Variants in OPCML observed in about 807,000 individuals in gnomAD.
The protein encoded by OPCML is opioid-binding protein/cell adhesion molecule.
Under a neutral mutation model 37.8 loss-of-function variants are expected in OPCML, and 13 were observed. The observed-to-expected ratio is 0.34, with a 90% CI of 0.22 to 0.55. The LOEUF (loss-of-function observed/expected upper bound fraction) is 0.55. Ranked by LOEUF, OPCML falls within the 20% of genes least tolerant of loss-of-function variation. OPCML has a pLI of 0.91. For synonymous variants in OPCML, 176 were observed against 168.8 expected (o/e 1.04, Z -0.33); for missense variants, 341 against 435.6 (o/e 0.78, Z 1.93).
chr11:132,495,658 G>A (rs1190773850), intron 4 of OPCML, among the ~76,000 whole-genome samples: 1 of 152,146 alleles, frequency 6.6e-6, no homozygotes. Flanking sequence ...TTGGGAAGCC[G>A]AGGCAGGCAG....
At chr11:132,736,688 A>G (rs1334310146) in intron 2 of OPCML, among the ~76,000 whole-genome samples, 4 of 152,178 alleles carry the variant, frequency 2.6e-5, no homozygotes, top group African/African-American at 7.2e-5. Context: ...AGAGGGACAC[A>G]TGATATGAAC....
At chr11:133,494,615 G>C (rs1591563596) in intron 1 of OPCML, among the ~76,000 whole-genome samples, 1 of 147,888 alleles carries the variant, frequency 6.8e-6, no homozygotes, top group East Asian at 2.0e-4. Context: ...GTAAACTATA[G>C]CAAGAACAAA....
chr11:133,278,044 C>T (rs1942041815), intron 1 of OPCML, among the ~76,000 whole-genome samples: 1 of 152,148 alleles, frequency 6.6e-6, no homozygotes, highest in Admixed American at 6.5e-5. Flanking sequence ...GAGATTCTAT[C>T]AGCACTGGAA....
chr11:133,211,551 G>A lies in OPCML; in HGVS notation c.62-268541C>T, dbSNP rs1442385524. On this transcript the variant is annotated intron_variant, in intron 1 of 7. Transcript: ENST00000524381. The surrounding 1 kb of genome is among the most constrained non-coding windows in gnomAD (Gnocchi z 4.1). Reference sequence around the variant, plus strand: ...GGGCTTTGAAAACTTGAACACTTCCGAAGGTTCTGTAACTATGCTTTGGCA... The same window carrying A: ...GGGCTTTGAAAACTTGAACACTTCCAAAGGTTCTGTAACTATGCTTTGGCA... Among the ~76,000 whole-genome samples the A allele has an allele frequency of 1.3e-5, 2 of 152,138 alleles. No homozygotes were observed. Among genetic ancestry groups the A allele is most frequent in the African/African-American group, 4.8e-5 (2 of 41,420 alleles).
intron 4 of OPCML, among the ~76,000 whole-genome samples, chr11:132,459,410 C>T (rs928418151): frequency 1.9e-4 from 27 of 144,380 alleles, no homozygotes; most frequent in African/African-American, 5.4e-4. Flanking sequence ...TCTCTCTTCA[C>T]ACATACATAC....
intron 3 of OPCML, among the ~76,000 whole-genome samples, chr11:132,571,864 C>T (rs2096439377): frequency 1.3e-5 from 2 of 152,104 alleles, no homozygotes; most frequent in African/African-American, 4.8e-5. Context: ...TTCATAGCAG[C>T]TGTACCATTT....
At chr11:132,446,216 T>C (rs2096054688) in intron 4 of OPCML, among the ~76,000 whole-genome samples, 2 of 150,110 alleles carry the variant, frequency 1.3e-5, no homozygotes, top group South Asian at 4.3e-4. Flanking sequence ...GGAGTGGTTC[T>C]GAGTGAGTGT....
chr11:133,488,978 G>A (rs200888673), intron 1 of OPCML, among the ~76,000 whole-genome samples: 1 of 138,792 alleles, frequency 7.2e-6, no homozygotes, highest in Non-Finnish European at 1.5e-5. Context: ...TGTGCACTGG[G>A]GAAAGGACAC....
intron 3 of OPCML, among the ~76,000 whole-genome samples, chr11:132,655,191 A>C (rs1324651041): frequency 6.6e-6 from 1 of 152,180 alleles, no homozygotes; most frequent in African/African-American, 2.4e-5. Flanking sequence ...ACAGTGCCTG[A>C]CAGTTCTTTT....
At chr11:133,405,969 A>G (rs1345195352) in intron 1 of OPCML, among the ~76,000 whole-genome samples, 2 of 151,936 alleles carry the variant, frequency 1.3e-5, no homozygotes, top group Non-Finnish European at 2.9e-5. Context: ...CTCCCTTCCC[A>G]GCTCTCCCTT....
intron 1 of OPCML, among the ~76,000 whole-genome samples, chr11:133,101,580 A>G (rs189341930): frequency 4.9e-4 from 75 of 152,334 alleles, no homozygotes; most frequent in African/African-American, 1.7e-3. Flanking sequence ...GTTGATGAGG[A>G]TGTGATATGG....
chr11:132,476,579 C>T (rs2096156676), intron 4 of OPCML, among the ~76,000 whole-genome samples: 1 of 152,070 alleles, frequency 6.6e-6, no homozygotes, highest in East Asian at 1.9e-4. Context: ...TCTCAGCAAA[C>T]TATCACAAGG....
At chr11:132,803,522 A>G (rs967837789) in intron 2 of OPCML, among the ~76,000 whole-genome samples, 16 of 152,286 alleles carry the variant, frequency 1.1e-4, no homozygotes, top group African/African-American at 3.8e-4. Context: ...CTCCTGGTGG[A>G]ATGAGGTAAA....
intron 2 of OPCML, among the ~76,000 whole-genome samples, chr11:132,855,563 G>A (rs1054288244): frequency 3.3e-5 from 5 of 152,134 alleles, no homozygotes. Flanking sequence ...TAATATATAG[G>A]AGCGGGATTG....
chr11:133,237,603 G>A (rs1019578128), intron 1 of OPCML, among the ~76,000 whole-genome samples: 2 of 152,216 alleles, frequency 1.3e-5, no homozygotes, highest in African/African-American at 4.8e-5. Flanking sequence ...GAGTTATGGA[G>A]GGTCTAAACT....
At chr11:133,256,962 C>T (rs1941329229) in intron 1 of OPCML, among the ~76,000 whole-genome samples, 2 of 152,154 alleles carry the variant, frequency 1.3e-5, no homozygotes, top group Non-Finnish European at 2.9e-5. Flanking sequence ...TAAAACAAAA[C>T]AAAACAAAAA....
intron 3 of OPCML, among the ~76,000 whole-genome samples, chr11:132,606,765 A>G (rs1938328877): frequency 6.6e-6 from 1 of 152,190 alleles, no homozygotes; most frequent in South Asian, 2.1e-4. Context: ...TACATTAAGA[A>G]CTAGAATGAA....
chr11:132,890,621 C>T (rs566081618), intron 2 of OPCML, among the ~76,000 whole-genome samples: 48 of 149,260 alleles, frequency 3.2e-4, no homozygotes, highest in Non-Finnish European at 6.2e-4. Flanking sequence ...CCGAGGCAGG[C>T]GGATCACGAG....
chr11:132,660,539 G>A (rs1941922595), intron 2 of OPCML, among the ~76,000 whole-genome samples: 1 of 152,150 alleles, frequency 6.6e-6, no homozygotes, highest in African/African-American at 2.4e-5. Flanking sequence ...GCTGCAAAAA[G>A]ATGTTATTCT....
Sources: gnomAD v4.1 joint callset for allele counts (sites outside exome capture counted in the v4.1 genomes callset) on GRCh38, gnomAD v4.1.1 for gene constraint, Gnocchi (gnomAD v3.1) non-coding constraint, MANE v1.5 for transcripts, NCBI Gene and HGNC (gene_info 2026-07-23, HGNC 2026-07-21) for gene names.